KDM4C: variants seen among roughly 807,000 people sequenced by gnomAD.
KDM4C encodes lysine-specific demethylase 4C.
A neutral mutation model predicts 129.3 loss-of-function variants in KDM4C; 81 were observed. The ratio of observed to expected loss-of-function variants is 0.63; its 90% CI spans 0.52 to 0.75. The LOEUF is 0.75. Ranked by LOEUF, KDM4C falls within the 30% of genes least tolerant of loss-of-function variation. The pLI, the probability that KDM4C is intolerant of heterozygous loss-of-function variation, is 0.00. For synonymous variants in KDM4C, 573 were observed against 456.1 expected, an observed-to-expected ratio of 1.26 and a Z score of -3.26; for missense variants, 1,457 against 1,304.0, an observed-to-expected ratio of 1.12 and a Z score of -1.81.
intron 1 of KDM4C, among the ~76,000 whole-genome samples, chr9:6,728,618 G>A (rs1318623009): frequency 1.3e-5 from 2 of 152,004 alleles, no homozygotes; most frequent in Non-Finnish European, 2.9e-5. Flanking sequence ...AGGCAGAGGC[G>A]GGCGGATCAC....
intron 1 of KDM4C, among the ~76,000 whole-genome samples, chr9:6,773,437 C>T (rs1426300548): frequency 1.3e-5 from 2 of 152,158 alleles, no homozygotes; most frequent in Non-Finnish European, 2.9e-5. Context: ...ACCAAATGAG[C>T]TACACTTGAT....
chr9:7,003,274 GTAGA>G (rs1370199430), intron 12 of KDM4C, among the ~76,000 whole-genome samples: 1 of 152,166 alleles, frequency 6.6e-6, no homozygotes, highest in African/African-American at 2.4e-5. Context: ...TGTTAATAGT[GTAGA>G]TAAACTTCCC....
intron 12 of KDM4C, among the ~76,000 whole-genome samples, chr9:7,007,672 T>C (rs749018861): frequency 1.3e-5 from 2 of 152,212 alleles, no homozygotes; most frequent in African/African-American, 2.4e-5. Context: ...CTCAGTCTTT[T>C]TGGTCTCAGG....
At chr9:6,932,336 A>C (rs1253303083) in intron 8 of KDM4C, among the ~76,000 whole-genome samples, 1 of 152,174 alleles carries the variant, frequency 6.6e-6, no homozygotes, top group African/African-American at 2.4e-5. Context: ...AGTTTCAATT[A>C]GGGTTTGGAT....
At chr9:7,067,971 T>C (rs373975745) in intron 17 of KDM4C, among the ~76,000 whole-genome samples, 10 of 152,126 alleles carry the variant, frequency 6.6e-5, no homozygotes, top group Non-Finnish European at 1.3e-4. Context: ...AATTTTTTTG[T>C]ATTTTTAGTA....
chr9:6,936,432 A>G (rs1441917069), intron 8 of KDM4C, among the ~76,000 whole-genome samples: 1 of 152,242 alleles, frequency 6.6e-6, no homozygotes, highest in East Asian at 1.9e-4. Flanking sequence ...TTTATAGGTA[A>G]CAAAAACATT....
intron 5 of KDM4C, among the ~76,000 whole-genome samples, chr9:6,865,973 T>G (rs983669139): frequency 4.9e-4 from 74 of 152,136 alleles, no homozygotes; most frequent in Non-Finnish European, 1.0e-4. Flanking sequence ...CAGGATGGTC[T>G]CGATCTCCTG....
intron 8 of KDM4C, among the ~76,000 whole-genome samples, chr9:6,925,956 C>T (rs961955506): frequency 1.3e-5 from 2 of 152,100 alleles, no homozygotes; most frequent in South Asian, 2.1e-4. Flanking sequence ...TGGAGTGGAA[C>T]GTTTCCAGTG....
At chr9:6,934,057 C>T (rs562924729) in intron 8 of KDM4C, among the ~76,000 whole-genome samples, 2 of 151,996 alleles carry the variant, frequency 1.3e-5, no homozygotes, top group East Asian at 3.9e-4. Context: ...ACCATGTTGG[C>T]CAGGCTGGTC....
intron 1 of KDM4C, among the ~76,000 whole-genome samples, chr9:6,763,116 C>A (rs913446759): frequency 6.6e-6 from 1 of 150,788 alleles, no homozygotes; most frequent in African/African-American, 2.4e-5. Flanking sequence ...TTTTCCCATA[C>A]TAACAGTCAG....
chr9:6,835,051 A>G (rs1466204933), intron 4 of KDM4C: 1 of 951,268 alleles, frequency 1.1e-6, no homozygotes, highest in Non-Finnish European at 1.7e-6. Flanking sequence ...CTACAGCTTC[A>G]CCACCACGGC....
intron 19 of KDM4C, among the ~76,000 whole-genome samples, chr9:7,134,682 C>G (rs12236272): frequency 1.3e-5 from 2 of 151,878 alleles, no homozygotes; most frequent in African/African-American, 4.8e-5. Context: ...TACATAAGAT[C>G]GATAGATAAG....
intron 17 of KDM4C, among the ~76,000 whole-genome samples, chr9:7,073,314 G>T (rs1042020568): frequency 6.6e-6 from 1 of 152,188 alleles, no homozygotes; most frequent in Non-Finnish European, 1.5e-5. Flanking sequence ...GATTAAATGA[G>T]ATATATGCGA....
intron 15 of KDM4C, among the ~76,000 whole-genome samples, chr9:7,031,919 G>C (rs10975995): frequency 0.39 from 58,827 of 152,016 alleles, 11,674 homozygotes; most frequent in South Asian, 0.52. Flanking sequence ...GCTAAATTTT[G>C]TGAGCTAGAG....
intron 12 of KDM4C, among the ~76,000 whole-genome samples, chr9:6,995,587 C>A (rs149361373): frequency 6.6e-6 from 1 of 152,238 alleles, no homozygotes; most frequent in African/African-American, 2.4e-5. Context: ...AAATACAGTT[C>A]AGCTAGGTTT....
At chr9:7,087,183 C>T (rs1201716459) in intron 17 of KDM4C, among the ~76,000 whole-genome samples, 1 of 150,700 alleles carries the variant, frequency 6.6e-6, no homozygotes, top group Admixed American at 6.6e-5. Flanking sequence ...TGCGTTTAGG[C>T]ATATAACTCA....
At chr9:7,140,168 T>C (rs181416976) in intron 19 of KDM4C, among the ~76,000 whole-genome samples, 7 of 152,092 alleles carry the variant, frequency 4.6e-5, no homozygotes, top group Non-Finnish European at 8.8e-5. Flanking sequence ...TGACCAATTA[T>C]TAGTTTAGCG....
intron 19 of KDM4C, among the ~76,000 whole-genome samples, chr9:7,150,016 T>G (rs2130092884): frequency 6.6e-6 from 1 of 152,304 alleles, no homozygotes; most frequent in Non-Finnish European, 1.5e-5. Flanking sequence ...ACGAGTGGGA[T>G]CATTCCAGAA....
intron 1 of KDM4C, among the ~76,000 whole-genome samples, chr9:6,791,052 C>G (rs1826488138): frequency 6.6e-6 from 1 of 152,162 alleles, no homozygotes; most frequent in African/African-American, 2.4e-5. Context: ...CTGGCCAACT[C>G]CCATACCTTC....
Sources: gnomAD v4.1 joint callset for allele counts (sites outside exome capture counted in the v4.1 genomes callset) on GRCh38, gnomAD v4.1.1 for gene constraint, MANE v1.5 for transcripts, NCBI Gene and HGNC (gene_info 2026-07-23, HGNC 2026-07-21) for gene names.